The following SMARCA2 variants were observed in gnomAD, a reference collection of about 807,000 sequenced individuals.
The protein encoded by SMARCA2 is SWI/SNF related BAF chromatin remodeling complex subunit ATPase 2.
Under a neutral mutation model 199.8 loss-of-function variants are expected in SMARCA2, and 61 were observed. The observed-to-expected ratio is 0.31, with a 90% CI of 0.25 to 0.38. SMARCA2 has a LOEUF of 0.38. Ranked by LOEUF, SMARCA2 falls within the 10% of genes least tolerant of loss-of-function variation. The pLI is 1.00. For missense variants in SMARCA2, 1,344 were observed against 2,012.2 expected (o/e 0.67, Z 6.35); for synonymous variants, 935 against 732.0 (o/e 1.28, Z -4.48).
intron 9 of SMARCA2, among the ~76,000 whole-genome samples, chr9:2,064,998 C>T (rs193081816): frequency 0.03 from 4,506 of 152,246 alleles, 89 homozygotes; most frequent in Non-Finnish European, 0.043. Flanking sequence ...TCCTGGCTAA[C>T]ATGTTGAAAC....
intron 27 of SMARCA2, among the ~76,000 whole-genome samples, chr9:2,126,625 G>A (rs1265937233): frequency 6.6e-6 from 1 of 152,226 alleles, no homozygotes; most frequent in African/African-American, 2.4e-5. Context: ...GGCAAGGACC[G>A]TCGTGTAAGA....
At position 2,182,127 on chromosome 9, in the gene SMARCA2, A is replaced by T. The variant is rs146328709; in HGVS notation, c.4360-14A>T. ...CCCTCTTTTTTTCTCCATTTTCTCC[A>T]AAATTTCCATCAGGAAAGGATTCGT... On this transcript the variant is annotated splice_polypyrimidine_tract_variant and intron_variant, in intron 30 of 33. Transcript: ENST00000349721. 115 of 1,549,422 alleles carry T rather than the reference A, an allele frequency of 7.4e-5. 1 individual carries two copies. In the African/African-American group the frequency reaches 1.3e-3, roughly 18 times the overall value.
intron 27 of SMARCA2, among the ~76,000 whole-genome samples, chr9:2,156,812 T>G (rs2130737894): frequency 6.6e-6 from 1 of 152,320 alleles, no homozygotes; most frequent in Middle Eastern, 3.4e-3. Flanking sequence ...CATCCCATCT[T>G]CAGAACTTTT....
chr9:2,094,956 C>T (rs1370118834), intron 19 of SMARCA2, among the ~76,000 whole-genome samples: 1 of 152,100 alleles, frequency 6.6e-6, no homozygotes, highest in Non-Finnish European at 1.5e-5. Context: ...GTAATCATTT[C>T]ACAATGTTTA....
At chr9:2,102,361 G>C (rs1343265779) in intron 22 of SMARCA2, among the ~76,000 whole-genome samples, 2 of 152,140 alleles carry the variant, frequency 1.3e-5, no homozygotes, top group East Asian at 1.9e-4. Context: ...AGCTTGGCCA[G>C]GGTTGCATGG....
intron 2 of SMARCA2, 48 bp from the exon 3 acceptor site, chr9:2,032,904 T>C: frequency 6.4e-7 from 1 of 1,563,968 alleles, no homozygotes; most frequent in Non-Finnish European, 8.7e-7. Context: ...CAAATAGAAA[T>C]ATTTTACCTT....
At chr9:2,018,037 AGT>A (rs1305880628) in intron 1 of SMARCA2, 2 of 152,126 alleles carry the variant, frequency 1.3e-5, no homozygotes, top group Non-Finnish European at 2.9e-5. Flanking sequence ...GGGTCCGGAG[AGT>A]GTGAGTCGCT....
At chr9:2,095,949 G>A (rs980887271) in intron 19 of SMARCA2, among the ~76,000 whole-genome samples, 6 of 152,178 alleles carry the variant, frequency 3.9e-5, no homozygotes, top group African/African-American at 7.2e-5. Context: ...GATAAAGTAC[G>A]CAGGTGTGTG....
At chr9:2,151,217 C>T (rs905407917) in intron 27 of SMARCA2, among the ~76,000 whole-genome samples, 2 of 151,530 alleles carry the variant, frequency 1.3e-5, no homozygotes, top group African/African-American at 4.8e-5. Context: ...CATGCACAGA[C>T]AGCAAAGTAT....
intron 29 of SMARCA2, chr9:2,181,206 G>A (rs911544388): frequency 8.7e-5 from 14 of 160,494 alleles, no homozygotes; most frequent in South Asian, 1.7e-4. Flanking sequence ...ATATGTACGT[G>A]TATATATATA....
Position 2,151,302 on chromosome 9 carries a change from G to T in SMARCA2, c.3982-10384G>T, listed in dbSNP as rs1010896498. Among the ~76,000 whole-genome samples the T allele has an allele frequency of 1.3e-5, 2 of 151,498 alleles. 1 individual carries two copies. Among genetic ancestry groups the T allele is most frequent in the Admixed American group, 1.3e-4 (2 of 15,194 alleles). ...AATAGTTCATCAGGAGAGGGAATTG[G>T]CCACCAAAGATGAAAGTGCTGCAAA... is the stretch of plus-strand genomic sequence containing the variant. On this transcript the variant is annotated intron_variant, in intron 27 of 33. Coordinates refer to ENST00000349721, the MANE Select transcript of SMARCA2 (RefSeq NM_003070.5).
At chr9:2,152,539 C>T (rs189791004) in intron 27 of SMARCA2, among the ~76,000 whole-genome samples, 31 of 134,534 alleles carry the variant, frequency 2.3e-4, no homozygotes, top group East Asian at 2.3e-3. Context: ...GGCAACAGAG[C>T]GAGACTCCAT....
intron 33 of SMARCA2, 45 bp from the exon 34 acceptor site, chr9:2,192,659 T>C: frequency 7.5e-7 from 1 of 1,341,194 alleles, no homozygotes; most frequent in Non-Finnish European, 1.1e-6. Flanking sequence ...TTCTTTTTCT[T>C]GCATGTGATG....
chr9:2,093,914 A>T (rs895761600), intron 19 of SMARCA2, among the ~76,000 whole-genome samples: 3 of 152,360 alleles, frequency 2.0e-5, no homozygotes, highest in African/African-American at 7.2e-5. Flanking sequence ...TTCATAAATA[A>T]ATATGTAGAT....
chr9:2,156,601 T>G lies in SMARCA2; in HGVS notation c.3982-5085T>G, dbSNP rs149765173. 3.0e-4 allele frequency among the ~76,000 whole-genome samples: 45 copies of G among 152,106 alleles called. No homozygotes were observed. The East Asian group carries it at 7.9e-3, about 27-fold the overall frequency. On this transcript the variant is annotated intron_variant, in intron 27 of 33. Coordinates refer to ENST00000349721, the MANE Select transcript of SMARCA2 (RefSeq NM_003070.5). ...CATGCGCCACCATGCCCGGCTAATT[T>G]TGTATTTTTAGTAGAGATGGGGCTT...
intron 23 of SMARCA2, among the ~76,000 whole-genome samples, chr9:2,108,575 C>T (rs554074044): frequency 6.6e-6 from 1 of 152,248 alleles, no homozygotes; most frequent in East Asian, 1.9e-4. Flanking sequence ...TCTCTTCTTT[C>T]CCCATTTTAG....
chr9:2,125,380 G>GT (rs1362701888), intron 27 of SMARCA2, among the ~76,000 whole-genome samples: 7 of 151,530 alleles, frequency 4.6e-5, no homozygotes, highest in Non-Finnish European at 8.8e-5. Context: ...AATATGAAGA[G>GT]TTTTTTGGCT....
intron 27 of SMARCA2, chr9:2,158,642 C>T (rs1825499893): frequency 1.7e-5 from 5 of 289,854 alleles, no homozygotes; most frequent in Admixed American, 1.5e-4. Context: ...CATTGTGTAG[C>T]AAGTTTTGGG....
At chr9:2,046,892 C>A (rs1287730074) in intron 4 of SMARCA2, among the ~76,000 whole-genome samples, 2 of 152,180 alleles carry the variant, frequency 1.3e-5, no homozygotes, top group African/African-American at 2.4e-5. Context: ...TTTCCTTAAT[C>A]AATTGTATTA....
Sources: allele counts gnomAD v4.1 joint callset (sites outside exome capture counted in the v4.1 genomes callset), GRCh38; gene constraint gnomAD v4.1.1; transcripts MANE v1.5; gene names NCBI Gene and HGNC (gene_info 2026-07-23, HGNC 2026-07-21).